Variants in PPM1L observed in about 807,000 individuals in gnomAD.
PPM1L encodes the protein protein phosphatase 1L.
PPM1L carries 13 observed loss-of-function variants against 31.4 expected under a neutral mutation model. The observed-to-expected ratio is 0.41, with a 90% CI of 0.27 to 0.66. PPM1L has a LOEUF of 0.66. PPM1L is among the 30% of genes least tolerant of loss of function. PPM1L has a pLI of 0.29. For missense variants in PPM1L, 326 were observed against 453.7 expected (o/e 0.72, Z 2.56); for synonymous variants, 184 against 175.4 (o/e 1.05, Z -0.39).
At chr3:160,889,216 G>A (rs1309787153) in intron 1 of PPM1L, among the ~76,000 whole-genome samples, 1 of 152,128 alleles carries the variant, frequency 6.6e-6, no homozygotes, top group Non-Finnish European at 1.5e-5. Flanking sequence ...GAATCCAGAA[G>A]TTGGTTTTTT....
chr3:161,023,128 T>G (rs1306108381), intron 2 of PPM1L, among the ~76,000 whole-genome samples: 7 of 63,690 alleles, frequency 1.1e-4, no homozygotes, highest in Non-Finnish European at 1.9e-4. Context: ...ATTATGAGGG[T>G]TTTTTTTTTT....
rs763227129 is a variant in PPM1L at position 161,045,787 on chromosome 3, GAGAT to G, written c.575-19608_575-19605del. Among the ~76,000 whole-genome samples the G allele has an allele frequency of 1.6e-4, 25 of 152,142 alleles. No individual in the cohort carries two copies. The East Asian group carries it at 3.7e-3, about 22-fold the overall frequency. On this transcript the variant is annotated intron_variant, in intron 2 of 3. Coordinates refer to ENST00000498165, the MANE Select transcript of PPM1L (RefSeq NM_139245.4). ...AACTAAGATCAGAGTAGAACTGAAG[GAGAT>G]AGATAGAGACACAAAAAACCCTTCA...
At chr3:160,813,723 T>C (rs1429621096) in intron 1 of PPM1L, among the ~76,000 whole-genome samples, 1 of 152,220 alleles carries the variant, frequency 6.6e-6, no homozygotes, top group Non-Finnish European at 1.5e-5. Context: ...CATACTTCTA[T>C]AACAAAGTTT....
chr3:160,808,694 T>C (rs1033629284), intron 1 of PPM1L, among the ~76,000 whole-genome samples: 1 of 152,170 alleles, frequency 6.6e-6, no homozygotes, highest in Non-Finnish European at 1.5e-5. Flanking sequence ...CATGTAATTA[T>C]GTGCCTCGAG....
At chr3:160,994,511 A>G (rs771745431) in intron 2 of PPM1L, among the ~76,000 whole-genome samples, 7 of 152,304 alleles carry the variant, frequency 4.6e-5, no homozygotes, top group South Asian at 4.1e-4. Context: ...TGGGGGCTCA[A>G]CTGTTCCTCA....
chr3:160,953,728 C>G (rs78184597), intron 1 of PPM1L, among the ~76,000 whole-genome samples: 1 of 152,062 alleles, frequency 6.6e-6, no homozygotes, highest in African/African-American at 2.4e-5. Context: ...GAGGGGTCAT[C>G]GTGATGGTGG....
intron 1 of PPM1L, among the ~76,000 whole-genome samples, chr3:160,936,062 C>G (rs1163618944): frequency 6.6e-6 from 1 of 152,082 alleles, no homozygotes; most frequent in African/African-American, 2.4e-5. Context: ...CTGTTTGGGT[C>G]TCTCCCACCT....
Position 160,832,769 on chromosome 3 carries a change from T to A in PPM1L, c.399+76062T>A, listed in dbSNP as rs186556155. On this transcript the variant is annotated intron_variant, in intron 1 of 3. Coordinates refer to ENST00000498165, the MANE Select transcript of PPM1L (RefSeq NM_139245.4). ...CAGTATTTTATTATTAATTTTTATT[T>A]TTATTTTAAGTTCCAAGATACATGT... is the stretch of plus-strand genomic sequence containing the variant. Among the ~76,000 whole-genome samples the A allele has an allele frequency of 3.7e-3, 566 of 152,312 alleles. 2 individuals carry two copies. Among genetic ancestry groups the A allele is most frequent in the African/African-American group, 0.013 (551 of 41,564 alleles).
At chr3:160,885,357 C>T (rs1329316803) in intron 1 of PPM1L, among the ~76,000 whole-genome samples, 1 of 152,120 alleles carries the variant, frequency 6.6e-6, no homozygotes, top group Non-Finnish European at 1.5e-5. Flanking sequence ...GTATAACATG[C>T]CTAGACTATT....
rs1720057418 is a variant in PPM1L, at chr3:161,075,044, G to A, written c.*5887G>A. ...GATTACTGTAAGGGCACTGGTGGCAGATTGTGGTGGAGAGAGGGCTGAGTG... is the reference window on the plus strand; with the variant it reads ...GATTACTGTAAGGGCACTGGTGGCAAATTGTGGTGGAGAGAGGGCTGAGTG... On this transcript the variant is annotated 3_prime_UTR_variant, in exon 4 of 4. Transcript: ENST00000498165. 6.6e-6 allele frequency: 1 copy of A among 152,270 alleles called. No individual in the cohort carries two copies. Among genetic ancestry groups the A allele is most frequent in the South Asian group, 2.1e-4 (1 of 4,824 alleles). The allele number at this position is 152,270 out of a possible 1,614,324, so 9.4% of individuals were successfully genotyped here.
intron 1 of PPM1L, among the ~76,000 whole-genome samples, chr3:160,927,178 G>A (rs1576719469): frequency 6.6e-6 from 1 of 152,176 alleles, no homozygotes; most frequent in Admixed American, 6.5e-5. Flanking sequence ...ACCCTAACCT[G>A]TATTACTTTA....
intron 1 of PPM1L, among the ~76,000 whole-genome samples, chr3:160,810,916 A>C (rs1362960056): frequency 5.9e-5 from 9 of 152,174 alleles, no homozygotes; most frequent in Non-Finnish European, 1.3e-4. Context: ...AGTGTCATAA[A>C]ATGAACGGAA....
At chr3:161,024,994 CTTAG>C (rs982445140) in intron 2 of PPM1L, among the ~76,000 whole-genome samples, 1 of 152,148 alleles carries the variant, frequency 6.6e-6, no homozygotes, top group Non-Finnish European at 1.5e-5. Flanking sequence ...ATAAGCATGC[CTTAG>C]TTTGTTGAAA....
intron 2 of PPM1L, among the ~76,000 whole-genome samples, chr3:161,025,124 G>A (rs1252812454): frequency 6.6e-6 from 1 of 152,190 alleles, no homozygotes. Flanking sequence ...CATTCCAGAA[G>A]TCTCTTATGT....
chr3:160,805,361 G>GA (rs1712565579), intron 1 of PPM1L, among the ~76,000 whole-genome samples: 1 of 152,180 alleles, frequency 6.6e-6, no homozygotes, highest in South Asian at 2.1e-4. Context: ...GATTACTGGG[G>GA]AAAACTTTGT....
chr3:160,970,872 C>T (rs1298054925), intron 2 of PPM1L, among the ~76,000 whole-genome samples: 1 of 144,382 alleles, frequency 6.9e-6, no homozygotes, highest in Non-Finnish European at 1.5e-5. Context: ...TCACTGCAGG[C>T]TCCGCCCCCT....
intron 2 of PPM1L, among the ~76,000 whole-genome samples, chr3:161,023,899 C>T (rs1718304619): frequency 6.6e-6 from 1 of 152,176 alleles, no homozygotes; most frequent in Non-Finnish European, 1.5e-5. Flanking sequence ...TCTGCACATG[C>T]ACACAGTCTT....
chr3:160,897,485 G>A (rs539716299), intron 1 of PPM1L, among the ~76,000 whole-genome samples: 30 of 152,042 alleles, frequency 2.0e-4, no homozygotes, highest in Admixed American at 3.9e-4. Context: ...ACATTAGTTC[G>A]TCCTTAACCT....
chr3:161,067,715 T>C (rs1049626288), intron 3 of PPM1L, among the ~76,000 whole-genome samples: 2 of 152,226 alleles, frequency 1.3e-5, no homozygotes, highest in Non-Finnish European at 2.9e-5. Context: ...AGACCACAGC[T>C]GAAACCCAGG....
Sources: allele counts gnomAD v4.1 joint callset (sites outside exome capture counted in the v4.1 genomes callset), GRCh38; gene constraint gnomAD v4.1.1; transcripts MANE v1.5; gene names NCBI Gene and HGNC (gene_info 2026-07-23, HGNC 2026-07-21).